The following PLD4 variants were observed in gnomAD, a reference collection of about 807,000 sequenced individuals.
PLD4 encodes the protein 5'-3' exonuclease PLD4.
In PLD4, 54 loss-of-function variants were observed where a neutral mutation model predicts 52.3. The observed-to-expected ratio is 1.03, with a 90% CI of 0.83 to 1.30. The LOEUF is 1.30. PLD4 is among the 50% of genes most tolerant of loss of function. PLD4 has a pLI of 0.00. For synonymous variants in PLD4, 264 were observed against 286.5 expected (o/e 0.92, Z 0.79); for missense variants, 731 against 671.1 (o/e 1.09, Z -0.99).
chr14:104,932,998 C>T lies in PLD4; in HGVS notation c.*34C>T. On this transcript the variant is annotated 3_prime_UTR_variant, in exon 11 of 11. Coordinates refer to ENST00000392593, the MANE Select transcript of PLD4 (RefSeq NM_138790.5). This position sits in a 1 kb window ranked among gnomAD's most constrained non-coding sequence, Gnocchi z 6.5. ...TCTTTTTCTCTCGGCGACCCCGCCC[C>T]GCACGCGCCCTCCCCTCTGACCCCG... The T allele has an allele frequency of 4.6e-6, 7 of 1,518,318 alleles. No homozygotes were observed. The highest frequency in any genetic ancestry group is 6.2e-6 in the Non-Finnish European group (7 of 1,134,252). 94.1% of individuals were successfully genotyped at this position (1,518,318 alleles called of 1,614,324 possible).
chr14:104,932,084 C>A lies in PLD4; in HGVS notation c.1131C>A (p.Val377=). 1.2e-6 allele frequency: 2 copies of A among 1,609,868 alleles called. No individual in the cohort carries two copies. Among genetic ancestry groups the A allele is most frequent in the Non-Finnish European group, 1.7e-6 (2 of 1,179,026 alleles). ...AGGGCGTGCGCGTGCGCCTGCTGGT[C>A]GGCTGCGGACTCAACACGGACCCCA... is the stretch of plus-strand genomic sequence containing the variant. ...FGKGVRVRLL[V]GCGLNTDPTM... is the part of the protein sequence containing the mutation. The change falls in exon 9 of 11, where the codon GTC becomes GTA. Residue 377 remains valine, a synonymous_variant. Transcript: ENST00000392593. The surrounding 1 kb of genome is among the most constrained non-coding windows in gnomAD (Gnocchi z 6.5).
At chr14:104,928,243 C>T (rs745763152) in intron 3 of PLD4, among the ~76,000 whole-genome samples, 7 of 152,146 alleles carry the variant, frequency 4.6e-5, no homozygotes, top group Non-Finnish European at 5.9e-5. Flanking sequence ...AGGACTGCCC[C>T]GGAGGAACCT....
At chr14:104,931,712 C>G in intron 7 of PLD4, 36 bp from the exon 8 acceptor site, 2 of 1,559,926 alleles carry the variant, frequency 1.3e-6, no homozygotes, top group Non-Finnish European at 1.7e-6. Flanking sequence ...ATGGGCTGGG[C>G]TGGCAGAGCC....
intron 7 of PLD4, among the ~76,000 whole-genome samples, chr14:104,931,302 G>A (rs1191642885): frequency 6.6e-6 from 1 of 152,180 alleles, no homozygotes; most frequent in East Asian, 1.9e-4. Context: ...AACCCCACTT[G>A]CTCTGCGGGG....
At chr14:104,931,013 C>A (rs1897627342) in intron 7 of PLD4, 71 bp downstream of exon 7, 7 of 1,541,998 alleles carry the variant, frequency 4.5e-6, no homozygotes, top group Non-Finnish European at 6.3e-6. Flanking sequence ...CACAGGGAGC[C>A]CTCTGGGCTG....
At chr14:104,927,047 T>C (rs956310233) in intron 1 of PLD4, 94 bp from the exon 2 acceptor site, 2 of 1,223,328 alleles carry the variant, frequency 1.6e-6, no homozygotes, top group Non-Finnish European at 2.2e-6. Flanking sequence ...TGGGTGTCTG[T>C]GCAGGGGTGT....
At chr14:104,930,240 C>A in intron 6 of PLD4, 135 bp downstream of exon 6, 1 of 1,180,236 alleles carries the variant, frequency 8.5e-7, no homozygotes, top group Non-Finnish European at 1.2e-6. Context: ...ATGGTAGAAA[C>A]AACCGGAGAC....
At position 104,931,740 on chromosome 14, in the gene PLD4, C is replaced by T. The variant is rs1266175538; in HGVS notation, c.919-8C>T. ...GCAGAGCCTTCAGGGATTTCTCTCC[C>T]GTCACAGGCGTCGCCACCAGCACTC... On this transcript the variant is annotated splice_polypyrimidine_tract_variant and splice_region_variant and intron_variant, in intron 7 of 10. Coordinates refer to ENST00000392593, the MANE Select transcript of PLD4 (RefSeq NM_138790.5). The T allele has an allele frequency of 7.0e-6, 11 of 1,581,294 alleles. No individual in the cohort carries two copies. The highest frequency in any genetic ancestry group is 2.3e-5 in the East Asian group (1 of 43,548).
At chr14:104,927,402 C>T (rs1897492602) in intron 2 of PLD4, among the ~76,000 whole-genome samples, 172 bp downstream of exon 2, 1 of 152,176 alleles carries the variant, frequency 6.6e-6, no homozygotes, top group South Asian at 2.1e-4. Context: ...CCTTTATGCC[C>T]CTGCTGGAGG....
At position 104,927,241 on chromosome 14, in the gene PLD4, G is replaced by A; in HGVS notation, c.90+11G>A. ...AGAGAGGCTGGCACGGTAGGACTGGGGGGCCCCAGGGGGGAGGTGGCTGGG... is the reference window on the plus strand; with the variant it reads ...AGAGAGGCTGGCACGGTAGGACTGGAGGGCCCCAGGGGGGAGGTGGCTGGG... On this transcript the variant is annotated intron_variant, in intron 2 of 10. Transcript: ENST00000392593. The A allele has an allele frequency of 2.0e-6, 3 of 1,531,800 alleles. No homozygotes were observed. Among genetic ancestry groups the A allele is most frequent in the Non-Finnish European group, 2.6e-6 (3 of 1,137,868 alleles). 94.9% of individuals were successfully genotyped at this position (1,531,800 alleles called of 1,614,324 possible).
rs2140805999 is a variant in PLD4, at chr14:104,933,224, A to T, written c.*260A>T. 1 of 409,596 alleles carries T rather than the reference A, an allele frequency of 2.4e-6. No homozygotes were observed. Among genetic ancestry groups the T allele is most frequent in the Non-Finnish European group, 4.3e-6 (1 of 231,286 alleles). 25.4% of individuals were successfully genotyped at this position (409,596 alleles called of 1,614,324 possible). A position where few individuals can be genotyped will look rare whatever the true frequency, so the allele number is the denominator to read the frequency against. ...TGGCCCACAGGCCAGGCCTAAAAAAAACTCGTGGCTTCCCGGTGCCTCTGT... is the reference window on the plus strand; with the variant it reads ...TGGCCCACAGGCCAGGCCTAAAAAATACTCGTGGCTTCCCGGTGCCTCTGT... On this transcript the variant is annotated 3_prime_UTR_variant, in exon 11 of 11. Transcript: ENST00000392593.
At chr14:104,925,180 C>A (rs1172382554) in intron 1 of PLD4, among the ~76,000 whole-genome samples, 190 bp downstream of exon 1, 1 of 152,254 alleles carries the variant, frequency 6.6e-6, no homozygotes, top group Admixed American at 6.5e-5. Flanking sequence ...CCTGGCTCTC[C>A]AGCCAGGTGA....
At chr14:104,929,857 T>A (rs1191239382) in intron 5 of PLD4, 121 bp from the exon 6 acceptor site, 2 of 1,173,010 alleles carry the variant, frequency 1.7e-6, no homozygotes, top group Admixed American at 4.3e-5. Context: ...AGCAGCAGCT[T>A]AGTAGGACTG....
chr14:104,930,092 G>A lies in PLD4; in HGVS notation c.704G>A (p.Arg235Gln), dbSNP rs750793265. ...ATGGGCAGTGCCAACATGGACTGGC[G>A]GTCTCTGACGCAGGTGAGTGCCAGG... ...IYMGSANMDW[R>Q]SLTQVKELGA... Residue 235 changes from arginine to glutamine, a missense_variant, in exon 6 of 11, where the codon CGG becomes CAG. Arg to Gln is a conservative substitution (Grantham distance 43, BLOSUM62 1). Coordinates refer to ENST00000392593, the MANE Select transcript of PLD4 (RefSeq NM_138790.5). 2.9e-5 allele frequency: 47 copies of A among 1,613,360 alleles called. 1 individual carries two copies. The highest frequency in any genetic ancestry group is 2.5e-4 in the East Asian group (11 of 44,888).
At chr14:104,929,548 C>T (rs1897573686) in intron 5 of PLD4, 121 bp downstream of exon 5, 1 of 1,406,464 alleles carries the variant, frequency 7.1e-7, no homozygotes, top group Non-Finnish European at 9.4e-7. Context: ...TTCCCTAGGA[C>T]ACCCCAGGAG....
At chr14:104,931,009 G>A in intron 7 of PLD4, 67 bp downstream of exon 7, 1 of 1,554,712 alleles carries the variant, frequency 6.4e-7, no homozygotes, top group Non-Finnish European at 8.9e-7. Context: ...GACCCACAGG[G>A]AGCCCTCTGG....
intron 3 of PLD4, 39 bp from the exon 4 acceptor site, chr14:104,928,710 C>T: frequency 6.6e-7 from 1 of 1,515,448 alleles, no homozygotes. Flanking sequence ...GCTGGGGGCT[C>T]CCGCACCCAT....
chr14:104,925,741 C>T (rs1040466698), intron 1 of PLD4, among the ~76,000 whole-genome samples: 19 of 151,942 alleles, frequency 1.3e-4, no homozygotes, highest in African/African-American at 4.1e-4. Context: ...AGTGGGGACA[C>T]GGTGGGCACC....
At chr14:104,928,181 CT>C (rs1897521431) in intron 3 of PLD4, among the ~76,000 whole-genome samples, 1 of 152,122 alleles carries the variant, frequency 6.6e-6, no homozygotes, top group Non-Finnish European at 1.5e-5. Flanking sequence ...CCTGCCGCCC[CT>C]CATCCTTCCC....
Sources: allele counts gnomAD v4.1 joint callset (sites outside exome capture counted in the v4.1 genomes callset), GRCh38; gene constraint gnomAD v4.1.1; non-coding constraint Gnocchi (gnomAD v3.1); transcripts MANE v1.5; gene names NCBI Gene and HGNC (gene_info 2026-07-23, HGNC 2026-07-21).